PTPRD: variants seen among roughly 807,000 people sequenced by gnomAD.
PTPRD encodes the protein protein tyrosine phosphatase receptor type D.
PTPRD carries 34 observed loss-of-function variants against 214.5 expected under a neutral mutation model. That is an observed-to-expected ratio of 0.16 (90% CI 0.12 to 0.21). The LOEUF (loss-of-function observed/expected upper bound fraction) is 0.21, where lower values mean the gene tolerates loss of function less well. Ranked by LOEUF, PTPRD falls within the 10% of genes least tolerant of loss-of-function variation. PTPRD has a pLI of 1.00. For missense variants in PTPRD, 2,545 were observed against 2,398.7 expected, an observed-to-expected ratio of 1.06 and a Z score of -1.27; for synonymous variants, 1,128 against 845.7, an observed-to-expected ratio of 1.33 and a Z score of -5.79.
intron 8 of PTPRD, among the ~76,000 whole-genome samples, chr9:9,554,471 T>A (rs1463327539): frequency 1.3e-5 from 2 of 151,950 alleles, no homozygotes; most frequent in African/African-American, 2.4e-5. Flanking sequence ...AGAAAAAATG[T>A]TGACATGGTT....
chr9:9,041,202 A>G (rs934738184), intron 10 of PTPRD, among the ~76,000 whole-genome samples: 1 of 152,164 alleles, frequency 6.6e-6, no homozygotes, highest in Non-Finnish European at 1.5e-5. Context: ...ATTCATAAAG[A>G]CTTCCCTTTT....
At chr9:9,437,721 T>A (rs2085886596) in intron 8 of PTPRD, among the ~76,000 whole-genome samples, 1 of 152,128 alleles carries the variant, frequency 6.6e-6, no homozygotes, top group African/African-American at 2.4e-5. Flanking sequence ...TGGTGGTATA[T>A]CTAGAGCAGT....
At chr9:8,710,548 C>A (rs754736915) in intron 12 of PTPRD, among the ~76,000 whole-genome samples, 3 of 151,998 alleles carry the variant, frequency 2.0e-5, no homozygotes, top group Non-Finnish European at 2.9e-5. Context: ...CCCAACAGGT[C>A]GAGGCTGAGG....
At chr9:9,664,111 G>T (rs1357991363) in intron 7 of PTPRD, among the ~76,000 whole-genome samples, 4 of 139,926 alleles carry the variant, frequency 2.9e-5, no homozygotes, top group Non-Finnish European at 6.2e-5. Flanking sequence ...AAAAAAAGAA[G>T]TTATGACTCT....
intron 4 of PTPRD, among the ~76,000 whole-genome samples, chr9:9,955,071 A>T (rs1346095908): frequency 6.6e-6 from 1 of 152,190 alleles, no homozygotes; most frequent in Non-Finnish European, 1.5e-5. Flanking sequence ...TAGTGAAGTA[A>T]AGAATGAAGA....
chr9:9,250,855 G>C (rs1044750374), intron 9 of PTPRD, among the ~76,000 whole-genome samples: 14 of 152,068 alleles, frequency 9.2e-5, no homozygotes, highest in African/African-American at 3.4e-4. Flanking sequence ...ATAGCAGCTT[G>C]TGAAAAGTCT....
chr9:8,992,510 C>G (rs2099378011), intron 11 of PTPRD, among the ~76,000 whole-genome samples: 1 of 152,104 alleles, frequency 6.6e-6, no homozygotes, highest in Admixed American at 6.6e-5. Flanking sequence ...AGACCTTCGG[C>G]TATTCTATTT....
chr9:9,555,111 T>G (rs1333441031), intron 8 of PTPRD, among the ~76,000 whole-genome samples: 2 of 152,110 alleles, frequency 1.3e-5, no homozygotes, highest in African/African-American at 4.8e-5. Context: ...TTCAGAGTTT[T>G]GAGCATGGAC....
At chr9:9,495,618 G>T (rs1038547897) in intron 8 of PTPRD, among the ~76,000 whole-genome samples, 1 of 152,108 alleles carries the variant, frequency 6.6e-6, no homozygotes, top group Non-Finnish European at 1.5e-5. Context: ...CTTAGGGGAA[G>T]ATGATCTGCC....
intron 3 of PTPRD, among the ~76,000 whole-genome samples, chr9:10,294,534 C>T (rs1010741445): frequency 6.6e-6 from 1 of 151,888 alleles, no homozygotes; most frequent in Non-Finnish European, 1.5e-5. Context: ...CAGTCAAACT[C>T]CTAAAAAATG....
chr9:10,024,931 T>A (rs1393276927), intron 4 of PTPRD, among the ~76,000 whole-genome samples: 1 of 151,874 alleles, frequency 6.6e-6, no homozygotes, highest in African/African-American at 2.4e-5. Context: ...GTTTCCAGCT[T>A]CATCCATGTC....
At chr9:9,467,162 T>C (rs1443186370) in intron 8 of PTPRD, among the ~76,000 whole-genome samples, 1 of 151,358 alleles carries the variant, frequency 6.6e-6, no homozygotes, top group East Asian at 1.9e-4. Context: ...CATCCTTTCC[T>C]AGATTTTGTA....
chr9:9,348,520 C>A (rs943331804), intron 9 of PTPRD, among the ~76,000 whole-genome samples: 1 of 151,898 alleles, frequency 6.6e-6, no homozygotes, highest in African/African-American at 2.4e-5. Context: ...GGTGGGTGAA[C>A]AAATACTGTG....
chr9:8,378,234 T>C (rs532317862), intron 37 of PTPRD, among the ~76,000 whole-genome samples: 44 of 152,190 alleles, frequency 2.9e-4, no homozygotes, highest in African/African-American at 1.0e-3. Context: ...TCATTTGCCC[T>C]GACTCAAAGA....
chr9:9,287,162 T>C (rs1352466134), intron 9 of PTPRD, among the ~76,000 whole-genome samples: 4 of 151,002 alleles, frequency 2.6e-5, no homozygotes, highest in African/African-American at 9.7e-5. Context: ...GAGCAGAAGG[T>C]TGCATTGAGC....
At chr9:9,336,229 T>A (rs2044423546) in intron 9 of PTPRD, among the ~76,000 whole-genome samples, 1 of 151,534 alleles carries the variant, frequency 6.6e-6, no homozygotes, top group African/African-American at 2.4e-5. Flanking sequence ...CAGAGAGAGT[T>A]ACACATGTTT....
At chr9:8,788,647 T>C (rs954934469) in intron 11 of PTPRD, among the ~76,000 whole-genome samples, 8 of 151,380 alleles carry the variant, frequency 5.3e-5, no homozygotes, top group Non-Finnish European at 1.0e-4. Flanking sequence ...TGGAGGAAAA[T>C]CAAAACAAAC....
At chr9:9,307,478 G>A (rs1022193412) in intron 9 of PTPRD, among the ~76,000 whole-genome samples, 31 of 152,102 alleles carry the variant, frequency 2.0e-4, no homozygotes, top group Non-Finnish European at 3.7e-4. Context: ...TGCTAAGATA[G>A]AAACCTGAAA....
At position 10,272,835 on chromosome 9, in the gene PTPRD, G is replaced by C. The variant is rs953812022; in HGVS notation, c.-545+68128C>G. ...TCTAATATATGGTTAAGAGAACTGA[G>C]AGAATACCACACATGTGTGAATTTT... On this transcript the variant is annotated intron_variant, in intron 3 of 45. Transcript: ENST00000381196. 1.6e-4 allele frequency among the ~76,000 whole-genome samples: 24 copies of C among 152,294 alleles called. 1 individual carries two copies. The highest frequency in any genetic ancestry group is 2.8e-4 in the Non-Finnish European group (19 of 68,008).
Sources: allele counts gnomAD v4.1 joint callset (sites outside exome capture counted in the v4.1 genomes callset), GRCh38; gene constraint gnomAD v4.1.1; transcripts MANE v1.5; gene names NCBI Gene and HGNC (gene_info 2026-07-23, HGNC 2026-07-21).